KCNIP4: variants seen among roughly 807,000 people sequenced by gnomAD.
KCNIP4 encodes the protein potassium voltage-gated channel interacting protein 4, also known as Kv channel-interacting protein 4.
Under a neutral mutation model 34.0 loss-of-function variants are expected in KCNIP4, and 12 were observed. The observed-to-expected ratio is 0.35, with a 90% CI of 0.23 to 0.57. The LOEUF (loss-of-function observed/expected upper bound fraction) is 0.57, where lower values mean the gene tolerates loss of function less well. KCNIP4 is among the 20% of genes least tolerant of loss of function. The pLI, the probability that KCNIP4 is intolerant of heterozygous loss-of-function variation, is 0.83. For synonymous variants in KCNIP4, 124 were observed against 102.2 expected, an observed-to-expected ratio of 1.21 and a Z score of -1.29; for missense variants, 238 against 311.7, an observed-to-expected ratio of 0.76 and a Z score of 1.78.
At chr4:21,240,715 A>G (rs1352499281) in intron 1 of KCNIP4, among the ~76,000 whole-genome samples, 4 of 152,206 alleles carry the variant, frequency 2.6e-5, no homozygotes, top group Non-Finnish European at 4.4e-5. Flanking sequence ...ACTGGAGAAC[A>G]TGGAAAAATT....
chr4:21,300,611 G>A (rs890145702), intron 1 of KCNIP4, among the ~76,000 whole-genome samples: 1 of 152,052 alleles, frequency 6.6e-6, no homozygotes, highest in Non-Finnish European at 1.5e-5. Flanking sequence ...GGTATCATGA[G>A]GATGCCTGAA....
intron 1 of KCNIP4, among the ~76,000 whole-genome samples, chr4:21,155,167 G>C (rs1753053861): frequency 1.3e-5 from 2 of 152,184 alleles, no homozygotes. Context: ...TGACAGCAGA[G>C]CTGGCATGCC....
intron 1 of KCNIP4, among the ~76,000 whole-genome samples, chr4:21,939,813 A>T (rs969906786): frequency 2.6e-5 from 4 of 152,188 alleles, no homozygotes; most frequent in African/African-American, 9.7e-5. Context: ...AAAGGATGTG[A>T]GAAAAGTTGA....
chr4:21,355,679 A>T, intron 1 of KCNIP4, among the ~76,000 whole-genome samples: 1 of 152,182 alleles, frequency 6.6e-6, no homozygotes, highest in East Asian at 1.9e-4. Context: ...CAACCAAGAA[A>T]AAGTCTAGGA....
intron 1 of KCNIP4, among the ~76,000 whole-genome samples, chr4:21,096,832 A>G (rs193006977): frequency 6.6e-6 from 1 of 152,294 alleles, no homozygotes; most frequent in Admixed American, 6.5e-5. Flanking sequence ...ATAAATAGCT[A>G]TGATACCTGA....
At chr4:21,752,835 G>C (rs2109147732) in intron 1 of KCNIP4, among the ~76,000 whole-genome samples, 1 of 152,238 alleles carries the variant, frequency 6.6e-6, no homozygotes, top group Middle Eastern at 3.4e-3. Context: ...CCAGGCTGGA[G>C]ACAGTTGAGA....
chr4:20,963,288 C>T (rs1037571939), intron 1 of KCNIP4, among the ~76,000 whole-genome samples: 1 of 151,570 alleles, frequency 6.6e-6, no homozygotes, highest in Non-Finnish European at 1.5e-5. Flanking sequence ...AATTGCACCA[C>T]TGCACTCCAG....
intron 1 of KCNIP4, among the ~76,000 whole-genome samples, chr4:21,117,045 C>T (rs1044017831): frequency 1.3e-5 from 2 of 152,120 alleles, no homozygotes; most frequent in African/African-American, 2.4e-5. Context: ...TGTGTCACTT[C>T]CCCTAATTCT....
intron 1 of KCNIP4, among the ~76,000 whole-genome samples, chr4:21,173,872 A>C (rs1258110929): frequency 6.6e-6 from 1 of 152,188 alleles, no homozygotes; most frequent in Non-Finnish European, 1.5e-5. Context: ...TTCTCATAGA[A>C]TACTTCTCGC....
chr4:20,875,610 G>T (rs917683905), intron 2 of KCNIP4, among the ~76,000 whole-genome samples: 5 of 152,020 alleles, frequency 3.3e-5, no homozygotes, highest in Non-Finnish European at 5.9e-5. Context: ...TTTAACATGG[G>T]TTATGCCTCT....
At chr4:21,117,684 C>T (rs1027360667) in intron 1 of KCNIP4, among the ~76,000 whole-genome samples, 1 of 152,060 alleles carries the variant, frequency 6.6e-6, no homozygotes, top group Non-Finnish European at 1.5e-5. Context: ...AGCTGCAGAG[C>T]GCATCAAACT....
Position 21,935,748 on chromosome 4 carries a change from A to C in KCNIP4, c.61+12823T>G, listed in dbSNP as rs144007031. 3.5e-4 allele frequency among the ~76,000 whole-genome samples: 53 copies of C among 152,156 alleles called. 1 individual carries two copies. In the East Asian group the frequency reaches 9.9e-3, roughly 28 times the overall value. Reference sequence around the variant, plus strand: ...ATTAAAGAACATTTTTCTCAGGCCAAATAATTATAAAAATGACCACAACTC... The same window carrying C: ...ATTAAAGAACATTTTTCTCAGGCCACATAATTATAAAAATGACCACAACTC... On this transcript the variant is annotated intron_variant, in intron 1 of 8. Coordinates refer to ENST00000382152, the MANE Select transcript of KCNIP4 (RefSeq NM_025221.6).
At chr4:21,575,472 G>T (rs906507230) in intron 1 of KCNIP4, among the ~76,000 whole-genome samples, 4 of 150,760 alleles carry the variant, frequency 2.7e-5, no homozygotes, top group African/African-American at 9.8e-5. Flanking sequence ...CCTTACTGCT[G>T]ATACTTCCTA....
chr4:21,596,081 G>A (rs1181767925), intron 1 of KCNIP4, among the ~76,000 whole-genome samples: 1 of 152,044 alleles, frequency 6.6e-6, no homozygotes, highest in African/African-American at 2.4e-5. Context: ...TTGTATCATG[G>A]CCCAACTCTC....
intron 2 of KCNIP4, among the ~76,000 whole-genome samples, chr4:20,869,532 G>A (rs1723221473): frequency 6.6e-6 from 1 of 152,052 alleles, no homozygotes; most frequent in South Asian, 2.1e-4. Flanking sequence ...GAGCAGAACA[G>A]TGCCTGGGAG....
At chr4:21,653,173 CATA>C (rs1217956815) in intron 1 of KCNIP4, among the ~76,000 whole-genome samples, 1 of 152,168 alleles carries the variant, frequency 6.6e-6, no homozygotes, top group Non-Finnish European at 1.5e-5. Context: ...TCTGTTTGTA[CATA>C]ATGATTAGCC....
intron 1 of KCNIP4, among the ~76,000 whole-genome samples, chr4:21,815,347 T>A (rs943478641): frequency 6.6e-6 from 1 of 152,158 alleles, no homozygotes; most frequent in Non-Finnish European, 1.5e-5. Flanking sequence ...GAAGAACATA[T>A]GTGATAATGT....
intron 6 of KCNIP4, among the ~76,000 whole-genome samples, chr4:20,733,575 G>A (rs558297893): frequency 1.3e-5 from 2 of 152,260 alleles, no homozygotes; most frequent in African/African-American, 4.8e-5. Context: ...GATGTTTTAA[G>A]CATAGATAAG....
At chr4:21,488,169 A>C (rs1732081879) in intron 1 of KCNIP4, among the ~76,000 whole-genome samples, 1 of 152,178 alleles carries the variant, frequency 6.6e-6, no homozygotes, top group South Asian at 2.1e-4. Context: ...ACCGTTATTA[A>C]GCAAAACATG....
Sources: allele counts gnomAD v4.1 joint callset (sites outside exome capture counted in the v4.1 genomes callset), GRCh38; gene constraint gnomAD v4.1.1; transcripts MANE v1.5; gene names NCBI Gene and HGNC (gene_info 2026-07-23, HGNC 2026-07-21).